The following ZNF273 variants were observed in gnomAD, a reference collection of about 807,000 sequenced individuals.
The protein encoded by ZNF273 is zinc finger protein 9.
Under a neutral mutation model 14.9 loss-of-function variants are expected in ZNF273, and 11 were observed. The observed-to-expected ratio is 0.74, with a 90% CI of 0.46 to 1.22. The LOEUF (loss-of-function observed/expected upper bound fraction) is 1.22, where lower values mean the gene tolerates loss of function less well. Among genes scored for constraint, ZNF273 ranks in the 50% most tolerant of loss-of-function variants. The probability of loss-of-function intolerance (pLI) is 0.00; values close to 1 mark genes in which losing one functional copy is unlikely to be tolerated. For missense variants in ZNF273, 577 were observed against 660.6 expected (o/e 0.87, Z 1.39); for synonymous variants, 199 against 223.9 (o/e 0.89, Z 0.99).
intron 1 of ZNF273, among the ~76,000 whole-genome samples, chr7:64,886,467 T>A (rs1436855851): frequency 6.6e-6 from 1 of 152,226 alleles, no homozygotes; most frequent in Non-Finnish European, 1.5e-5. Flanking sequence ...GGAGAAAATT[T>A]AACTCTACTA....
chr7:64,894,163 C>A (rs1792221961), downstream of ZNF273, among the ~76,000 whole-genome samples: 2 of 152,202 alleles, frequency 1.3e-5, no homozygotes, highest in South Asian at 4.1e-4. Context: ...TGCCACTACA[C>A]CTGGCTACTT....
chr7:64,883,917 T>C (rs998520036), downstream of ZNF273, among the ~76,000 whole-genome samples: 2 of 152,218 alleles, frequency 1.3e-5, no homozygotes, highest in African/African-American at 4.8e-5. Flanking sequence ...TGTCACGTTT[T>C]GCGGACTAGG....
chr7:64,922,042 A>T (rs1416013234), intron 3 of ZNF273, among the ~76,000 whole-genome samples: 3 of 151,466 alleles, frequency 2.0e-5, no homozygotes, highest in African/African-American at 7.3e-5. Flanking sequence ...AGCCTATTTG[A>T]CTCAATGCTA....
At chr7:64,921,294 C>T (rs1794430712) in intron 3 of ZNF273, among the ~76,000 whole-genome samples, 1 of 152,104 alleles carries the variant, frequency 6.6e-6, no homozygotes, top group Non-Finnish European at 1.5e-5. Context: ...GAACTCCTGA[C>T]CTCGTGATCC....
intron 1 of ZNF273, among the ~76,000 whole-genome samples, chr7:64,887,259 C>T (rs1791646059): frequency 6.6e-6 from 1 of 152,216 alleles, no homozygotes; most frequent in Non-Finnish European, 1.5e-5. Context: ...CTCTAAAATG[C>T]ACAGCCTGCC....
chr7:64,881,330 A>G (rs1791248297), downstream of ZNF273, among the ~76,000 whole-genome samples: 1 of 152,212 alleles, frequency 6.6e-6, no homozygotes, highest in African/African-American at 2.4e-5. Flanking sequence ...GGTCTGGCTC[A>G]AAGGCTTCCA....
intron 1 of ZNF273, among the ~76,000 whole-genome samples, chr7:64,917,375 T>C (rs1186206415): frequency 1.3e-5 from 2 of 152,242 alleles, no homozygotes; most frequent in African/African-American, 4.8e-5. Flanking sequence ...TAAACTGCTA[T>C]TGTGGATCTT....
At chr7:64,912,054 G>A (rs66496421) in intron 1 of ZNF273, among the ~76,000 whole-genome samples, 58,019 of 152,106 alleles carry the variant, frequency 0.38, 11,439 homozygotes, top group South Asian at 0.44. Context: ...TGCCTTCTGC[G>A]TTCAAGCGAT....
At chr7:64,889,217 G>T (rs1471445015), downstream of ZNF273, 4 of 985,708 alleles carry the variant, frequency 4.1e-6, no homozygotes, top group Non-Finnish European at 4.8e-6. This position sits in a 1 kb window ranked among gnomAD's most constrained non-coding sequence, Gnocchi z 4.2. Flanking sequence ...GGCTTGTGGA[G>T]AGGGGCTGGC....
At chr7:64,893,215 AAG>A (rs1792142784), downstream of ZNF273, among the ~76,000 whole-genome samples, 2 of 152,182 alleles carry the variant, frequency 1.3e-5, no homozygotes, top group African/African-American at 4.8e-5. Context: ...CTGTATCATT[AAG>A]ACTCATCATC....
chr7:64,892,890 T>C (rs115686645), downstream of ZNF273, among the ~76,000 whole-genome samples: 1,392 of 152,262 alleles, frequency 9.1e-3, 15 homozygotes, highest in African/African-American at 0.032. Context: ...TGTAAGTGGG[T>C]CTTAAGTGGG....
chr7:64,905,109 CTTTTTTTTTTT>C (rs61024093), intron 1 of ZNF273, among the ~76,000 whole-genome samples: 7 of 75,376 alleles, frequency 9.3e-5, no homozygotes, highest in Admixed American at 1.6e-4. Context: ...TCCTGGTGCA[CTTTTTTTTTTT>C]TTTTTTTTTT....
At chr7:64,882,403 T>C (rs1030472815), downstream of ZNF273, 4 of 152,142 alleles carry the variant, frequency 2.6e-5, no homozygotes, top group African/African-American at 9.7e-5. Context: ...GCCCTTTTCC[T>C]GACCAGGCCG....
At position 64,917,611 on chromosome 7, in the gene ZNF273, G is replaced by A. The variant is rs17850314; in HGVS notation, c.133G>A (p.Glu45Lys). 6.3e-7 allele frequency: 1 copy of A among 1,599,594 alleles called. No homozygotes were observed. The highest frequency in any genetic ancestry group is 1.7e-5 in the Admixed American group (1 of 59,574). Residue 45 changes from glutamate (E) to lysine (K), a missense_variant, in exon 2 of 4, where the codon GAA (glutamate) becomes AAA (lysine). Around this residue, in one of 3 missense-constraint regions of ZNF273, gnomAD observed 162 missense variants for 203.5 expected, o/e 0.80. Transcript: ENST00000476120. Reference protein sequence around the residue: ...GPLTFRDVAIEFSLEEWQCLD... With the variant: ...GPLTFRDVAIKFSLEEWQCLD... Reference sequence around the variant, plus strand: ...ACTGACATTTAGGGATGTGGCCATAGAATTCTCTCTGGAGGAGTGGCAATG... The same window carrying A: ...ACTGACATTTAGGGATGTGGCCATAAAATTCTCTCTGGAGGAGTGGCAATG...
chr7:64,881,128 G>A (rs1339466935), downstream of ZNF273, among the ~76,000 whole-genome samples: 1 of 152,220 alleles, frequency 6.6e-6, no homozygotes, highest in Non-Finnish European at 1.5e-5. Context: ...CCAGTGCCCA[G>A]CTGGGAGGAT....
chr7:64,928,574 A>G lies in ZNF273; in HGVS notation c.1246A>G (p.Thr416Ala), dbSNP rs1562967084. 4 of 1,613,640 alleles carry G rather than the reference A, an allele frequency of 2.5e-6. No individual in the cohort carries two copies. Among genetic ancestry groups the G allele is most frequent in the Admixed American group, 1.7e-5 (1 of 59,960 alleles). Residue 416 changes from threonine to alanine, a missense_variant, in exon 4 of 4, where the codon ACT (threonine) becomes GCT (alanine). This residue lies in a region of ZNF273 where 411 missense variants were observed against 440.4 expected (regional missense o/e 0.93). Coordinates refer to ENST00000476120, the MANE Select transcript of ZNF273 (RefSeq NM_021148.3). ...ECGKAFKRST[T>A]LTKHKRIYTK... is the part of the protein sequence containing the mutation. ...TGGTAAAGCCTTTAAACGGTCCACA[A>G]CTCTTACTAAACATAAGAGAATTTA...
the ZNF273 span, among the ~76,000 whole-genome samples, chr7:64,936,307 T>G: frequency 1.3e-5 from 2 of 152,244 alleles, no homozygotes; most frequent in Non-Finnish European, 2.9e-5. Flanking sequence ...TATCTAGTCA[T>G]GCAAATCACA....
intron 1 of ZNF273, among the ~76,000 whole-genome samples, chr7:64,905,371 G>A (rs988799495): frequency 2.0e-5 from 3 of 150,308 alleles, no homozygotes; most frequent in African/African-American, 7.3e-5. Flanking sequence ...CCACCTTGGC[G>A]TCCCAGAGTG....
At chr7:64,936,949 ATGT>A in the ZNF273 span, among the ~76,000 whole-genome samples, 4 of 152,238 alleles carry the variant, frequency 2.6e-5, no homozygotes, top group African/African-American at 7.2e-5. Flanking sequence ...AAAGCATTTG[ATGT>A]TGTACAGCTA....
Sources: gnomAD v4.1 joint callset for allele counts (sites outside exome capture counted in the v4.1 genomes callset) on GRCh38, gnomAD v4.1.1 for gene constraint, gnomAD v4.1.1 regional missense constraint, Gnocchi (gnomAD v3.1) non-coding constraint, MANE v1.5 for transcripts, NCBI Gene and HGNC (gene_info 2026-07-23, HGNC 2026-07-21) for gene names.